ITSN2: variants seen among roughly 807,000 people sequenced by gnomAD.
ITSN2 encodes intersectin 2.
In ITSN2, 156 loss-of-function variants were observed where a neutral mutation model predicts 243.7. That is an observed-to-expected ratio of 0.64 (90% confidence interval 0.56 to 0.73). The LOEUF is 0.73. Among genes scored for constraint, ITSN2 ranks in the 30% least tolerant of loss-of-function variants. The pLI, the probability that ITSN2 is intolerant of heterozygous loss-of-function variation, is 0.00. For missense variants in ITSN2, 1,801 were observed against 1,996.1 expected (o/e 0.90, Z 1.86); for synonymous variants, 703 against 699.9 (o/e 1.00, Z -0.07).
Position 24,301,148 on chromosome 2 carries a change from T to C in ITSN2, c.1081+6A>G. 1 of 1,539,776 alleles carries C rather than the reference T, an allele frequency of 6.5e-7. No homozygotes were observed. The highest frequency in any genetic ancestry group is 9.0e-7 in the Non-Finnish European group (1 of 1,116,600). ...ATAAATATACAACTTTGACACTCAG[T>C]GATACCTGGTAATTTCTTCTGAGGC... On this transcript the variant is annotated splice_donor_region_variant and intron_variant, in intron 11 of 39. Transcript: ENST00000355123.
intron 30 of ITSN2, among the ~76,000 whole-genome samples, chr2:24,219,931 C>T (rs1670290077): frequency 6.6e-6 from 1 of 152,204 alleles, no homozygotes; most frequent in South Asian, 2.1e-4. Context: ...AAGGGCCAGG[C>T]TAAGTTTTGG....
intron 8 of ITSN2, 55 bp from the exon 9 acceptor site, chr2:24,303,917 A>G (rs1391466473): frequency 5.2e-6 from 6 of 1,149,410 alleles, no homozygotes; most frequent in South Asian, 1.2e-5. Flanking sequence ...AAAGTTATGC[A>G]TAACAAATTA....
intron 2 of ITSN2, among the ~76,000 whole-genome samples, chr2:24,325,858 C>T (rs1213242217): frequency 1.3e-5 from 2 of 152,058 alleles, no homozygotes; most frequent in African/African-American, 4.8e-5. Context: ...ATTTACAGAA[C>T]ATCTACTATA....
intron 20 of ITSN2, among the ~76,000 whole-genome samples, chr2:24,270,335 T>C (rs1677191958): frequency 6.6e-6 from 1 of 152,216 alleles, no homozygotes. Context: ...GGCTGTGGAA[T>C]CTAACTCCTT....
chr2:24,276,495 G>A (rs1678029264), intron 17 of ITSN2, among the ~76,000 whole-genome samples: 1 of 152,188 alleles, frequency 6.6e-6, no homozygotes, highest in South Asian at 2.1e-4. Context: ...TCTTTAAAGA[G>A]TTCACAATCT....
intron 1 of ITSN2, among the ~76,000 whole-genome samples, chr2:24,350,873 T>C (rs186915083): frequency 3.3e-5 from 5 of 152,282 alleles, no homozygotes; most frequent in African/African-American, 9.6e-5. Flanking sequence ...GTGACTGCCA[T>C]TGGGTATAGG....
Position 24,221,005 on chromosome 2 carries a change from AT to A in ITSN2, c.3638del (p.Tyr1213LeufsTer5). On this transcript the variant is annotated frameshift_variant, in exon 30 of 40. Transcript: ENST00000355123. LOFTEE classifies it high-confidence loss of function. ...CTTCGGTCTGAATCAGCTCATGAAT[AT>A]AGCCCTGTCTTTTCCTCTCAATTGG... is the stretch of plus-strand genomic sequence containing the variant. Reference protein sequence around the residue: ...MQPIERKRQGYIHELIQTEER... With the variant: ...MQPIERKRQGXIHELIQTEER... 1 of 1,610,256 alleles carries A rather than the reference AT, an allele frequency of 6.2e-7. No individual in the cohort carries two copies. Among genetic ancestry groups the A allele is most frequent in the Non-Finnish European group, 8.5e-7 (1 of 1,178,628 alleles).
chr2:24,324,483 C>T (rs1558629875), intron 2 of ITSN2, among the ~76,000 whole-genome samples: 1 of 152,072 alleles, frequency 6.6e-6, no homozygotes, highest in Non-Finnish European at 1.5e-5. Flanking sequence ...TGTTTGTTTA[C>T]TGCTTAGTTC....
chr2:24,220,461 A>G (rs1203), intron 30 of ITSN2: 623,331 of 988,600 alleles, frequency 0.63, 197,331 homozygotes, highest in East Asian at 0.77. Flanking sequence ...CTATTTTACA[A>G]TATGCTCCCA....
chr2:24,220,799 G>C (rs1186869256), intron 30 of ITSN2, 146 bp downstream of exon 30: 3 of 1,433,760 alleles, frequency 2.1e-6, no homozygotes, highest in Non-Finnish European at 2.7e-6. Context: ...GAGGATGTGA[G>C]AGCTTCCGTC....
chr2:24,205,441 C>A, intron 37 of ITSN2, 144 bp from the exon 38 acceptor site: 1 of 648,884 alleles, frequency 1.5e-6, no homozygotes. Context: ...CTGCCCTGTG[C>A]CTTTCCCCAG....
intron 20 of ITSN2, among the ~76,000 whole-genome samples, chr2:24,263,882 A>T (rs1676242039): frequency 6.6e-6 from 1 of 152,200 alleles, no homozygotes; most frequent in Non-Finnish European, 1.5e-5. Context: ...CTTCATACGG[A>T]CATATGTTTT....
intron 1 of ITSN2, among the ~76,000 whole-genome samples, chr2:24,331,840 TA>T (rs1685822233): frequency 6.6e-6 from 1 of 152,218 alleles, no homozygotes; most frequent in African/African-American, 2.4e-5. Context: ...GAAAAGTTGT[TA>T]AACAATATGC....
chr2:24,332,800 CTTTG>C (rs1685932267), intron 1 of ITSN2, among the ~76,000 whole-genome samples: 2 of 152,240 alleles, frequency 1.3e-5, no homozygotes, highest in African/African-American at 2.4e-5. Flanking sequence ...ATACCAAAAA[CTTTG>C]TTTTACATTT....
intron 1 of ITSN2, among the ~76,000 whole-genome samples, chr2:24,346,533 T>C (rs1480125533): frequency 6.6e-6 from 1 of 152,072 alleles, no homozygotes; most frequent in Admixed American, 6.5e-5. Flanking sequence ...GGATATTAAA[T>C]AAAAACTAAG....
chr2:24,265,446 T>C (rs1676546757), intron 20 of ITSN2, among the ~76,000 whole-genome samples: 1 of 152,268 alleles, frequency 6.6e-6, no homozygotes, highest in African/African-American at 2.4e-5. Context: ...TGATCTTGTA[T>C]TCTGCAACCT....
intron 2 of ITSN2, among the ~76,000 whole-genome samples, chr2:24,325,469 TAA>T (rs966865816): frequency 6.6e-6 from 1 of 152,012 alleles, no homozygotes; most frequent in African/African-American, 2.4e-5. Flanking sequence ...AAGCCAATTT[TAA>T]AATAGTTAAT....
In ITSN2 at chr2:24,211,067, G is replaced by A. The variant is rs529430851; in HGVS notation, c.4090-120C>T. The A allele has an allele frequency of 3.4e-5, 31 of 907,434 alleles. No individual in the cohort carries two copies. Among genetic ancestry groups the A allele is most frequent in the Non-Finnish European group, 4.7e-5 (28 of 595,804 alleles). The allele number at this position is 907,434 out of a possible 1,614,324, so 56.2% of individuals were successfully genotyped here. ...GACTGCTTCCATGCCCTGGAAACGC[G>A]GCGGTGAACAAGACGACACTTTCCG... On this transcript the variant is annotated intron_variant, in intron 33 of 39. Coordinates refer to ENST00000355123, the MANE Select transcript of ITSN2 (RefSeq NM_006277.3). This position sits in a 1 kb window ranked among gnomAD's most constrained non-coding sequence, Gnocchi z 4.1.
chr2:24,222,708 T>C (rs1217378183), intron 29 of ITSN2, among the ~76,000 whole-genome samples: 1 of 138,208 alleles, frequency 7.2e-6, no homozygotes, highest in East Asian at 2.3e-4. Flanking sequence ...AGAGTCTCCC[T>C]GTGTCAGCCA....
Sources: allele counts gnomAD v4.1 joint callset (sites outside exome capture counted in the v4.1 genomes callset), GRCh38; gene constraint gnomAD v4.1.1; non-coding constraint Gnocchi (gnomAD v3.1); transcripts MANE v1.5; gene names NCBI Gene and HGNC (gene_info 2026-07-23, HGNC 2026-07-21).